GBP7: variants seen among roughly 807,000 people sequenced by gnomAD.
GBP7 encodes the protein guanylate binding protein 7, also known as guanylate-binding protein 7.
GBP7 carries 43 observed loss-of-function variants against 61.3 expected under a neutral mutation model. The ratio of observed to expected loss-of-function variants is 0.70; its 90% CI spans 0.55 to 0.91. GBP7 has a LOEUF of 0.91. Among genes scored for constraint, GBP7 ranks in the 40% least tolerant of loss-of-function variants. The pLI, the probability that GBP7 is intolerant of heterozygous loss-of-function variation, is 0.00. For synonymous variants in GBP7, 267 were observed against 271.0 expected (o/e 0.99, Z 0.14); for missense variants, 717 against 740.5 (o/e 0.97, Z 0.37).
chr1:89,141,611 A>T lies in GBP7; in HGVS notation c.1403T>A (p.Val468Glu). ...CTGCAGGATGGATTCCTCTATAACC[A>T]CCTGTGACTGCAGGAAGCTCTGGAG... ...EVLQSFLQSQ[V>E]VIEESILQSD... Residue 468 changes from valine (V) to glutamate (E), a missense_variant, in exon 9 of 11, where the codon GTG (valine) becomes GAG (glutamate). Val to Glu is a moderately radical substitution (Grantham distance 121). Transcript: ENST00000294671. 6.2e-7 allele frequency: 1 copy of T among 1,613,720 alleles called. No individual in the cohort carries two copies. Among genetic ancestry groups the T allele is most frequent in the Non-Finnish European group, 8.5e-7 (1 of 1,179,796 alleles).
chr1:89,149,154 C>A (rs1255507802), intron 7 of GBP7, 138 bp downstream of exon 7: 4 of 624,354 alleles, frequency 6.4e-6, no homozygotes, highest in African/African-American at 1.9e-5. Context: ...AAACTGTAGC[C>A]CATTAAATTC....
intron 9 of GBP7, among the ~76,000 whole-genome samples, chr1:89,136,931 A>G (rs1681817485): frequency 6.6e-6 from 1 of 152,098 alleles, no homozygotes; most frequent in African/African-American, 2.4e-5. Context: ...ACAAAAAAAG[A>G]GAAGATCCAA....
intron 3 of GBP7, among the ~76,000 whole-genome samples, chr1:89,158,340 GT>G (rs1314207386): frequency 6.6e-6 from 1 of 152,222 alleles, no homozygotes; most frequent in Non-Finnish European, 1.5e-5. Context: ...ATTCAACATA[GT>G]GTTGGAAGTT....
At chr1:89,147,216 G>C (rs371250133) in intron 8 of GBP7, among the ~76,000 whole-genome samples, 3 of 152,114 alleles carry the variant, frequency 2.0e-5, no homozygotes, top group Non-Finnish European at 4.4e-5. Flanking sequence ...CATATCCAAT[G>C]AGTATTAATT....
rs1461258716 is a variant in GBP7 at position 89,164,815 on chromosome 1, G to A, written c.234C>T (p.Ile78=). Residue 78 remains isoleucine (I), a synonymous_variant, in exon 3 of 11, where the codon ATC becomes ATT. Transcript: ENST00000294671. ...GCTVKSETKG[I]WMWCVPHPSK... The stretch of plus-strand genomic sequence containing the variant: ...AGGGGTGGGGCACACACCACATCCA[G>A]ATGCCTTTGGTTTCAGACTTCACTG... 1 of 1,613,928 alleles carries A rather than the reference G, an allele frequency of 6.2e-7. No homozygotes were observed. Among genetic ancestry groups the A allele is most frequent in the Admixed American group, 1.7e-5 (1 of 60,016 alleles).
At chr1:89,162,335 G>C (rs139980868) in intron 3 of GBP7, among the ~76,000 whole-genome samples, 2,454 of 152,264 alleles carry the variant, frequency 0.016, 54 homozygotes, top group African/African-American at 0.055. Context: ...TAGTTTAATA[G>C]GAATAGCATT....
In GBP7 at chr1:89,145,300, T is replaced by G. The variant is rs1682039621; in HGVS notation, c.1365+2267A>C. Among the ~76,000 whole-genome samples the G allele has an allele frequency of 2.0e-5, 3 of 152,134 alleles. No individual in the cohort carries two copies. In the South Asian group the frequency reaches 6.2e-4, roughly 32 times the overall value. Reference sequence around the variant, plus strand: ...TCACATAAAGGTGCGTCATGCAGTATTTGTCTTTCTAAGAATGGCTGATTT... The same window carrying G: ...TCACATAAAGGTGCGTCATGCAGTAGTTGTCTTTCTAAGAATGGCTGATTT... On this transcript the variant is annotated intron_variant, in intron 8 of 10. Transcript: ENST00000294671.
Position 89,150,510 on chromosome 1 carries a change from G to A in GBP7, c.691C>T (p.Gln231Ter), listed in dbSNP as rs766799077. 9.9e-6 allele frequency: 16 copies of A among 1,613,926 alleles called. No homozygotes were observed. The highest frequency in any genetic ancestry group is 1.4e-5 in the Non-Finnish European group (16 of 1,179,806). Residue 231 changes from glutamine to a stop codon, truncating the protein, a stop_gained, in exon 6 of 11, where the codon CAG (glutamine) becomes TAG (stop). Coordinates refer to ENST00000294671, the MANE Select transcript of GBP7 (RefSeq NM_207398.3). LOFTEE classifies it high-confidence loss of function. ...GGCCGGTCAAAGACAAAGCACTTCT[G>A]TTTTGGAAAGAAATGCCTGATCCAC... ...REWIRHFFPK[Q>*]KCFVFDRPIN...
At chr1:89,164,969 G>T (rs1392878054) in intron 2 of GBP7, 111 bp from the exon 3 acceptor site, 3 of 1,058,330 alleles carry the variant, frequency 2.8e-6, no homozygotes, top group African/African-American at 1.6e-5. Flanking sequence ...GAAACGGGTT[G>T]CTTCCATTTC....
intron 8 of GBP7, among the ~76,000 whole-genome samples, chr1:89,147,091 T>A (rs894567420): frequency 5.2e-4 from 79 of 152,194 alleles, no homozygotes; most frequent in Non-Finnish European, 1.0e-3. Context: ...CAAAATCACC[T>A]AAAATAATAT....
At chr1:89,141,734 A>G (rs956261210) in intron 8 of GBP7, 86 bp from the exon 9 acceptor site, 11 of 1,009,188 alleles carry the variant, frequency 1.1e-5, no homozygotes, top group Middle Eastern at 4.2e-4. Context: ...CAAAGCCACA[A>G]ATCTAACCTT....
At chr1:89,133,180 A>T in intron 10 of GBP7, 78 bp downstream of exon 10, 1 of 1,006,708 alleles carries the variant, frequency 9.9e-7, no homozygotes, top group Non-Finnish European at 1.5e-6. Context: ...ATCTTGACTG[A>T]GCTTAAAATT....
chr1:89,171,245 TAGAA>T (rs2100662794), intron 2 of GBP7, among the ~76,000 whole-genome samples: 1 of 152,290 alleles, frequency 6.6e-6, no homozygotes, highest in East Asian at 1.9e-4. Flanking sequence ...TTGGCTTAGT[TAGAA>T]AGACATACAA....
At chr1:89,144,394 G>C (rs1381490817) in intron 8 of GBP7, among the ~76,000 whole-genome samples, 1 of 152,120 alleles carries the variant, frequency 6.6e-6, no homozygotes, top group African/African-American at 2.4e-5. Context: ...TGTATACCTA[G>C]TAATGGGATT....
Position 89,149,316 on chromosome 1 carries a change from G to C in GBP7, c.1128C>G (p.Ser376Arg), listed in dbSNP as rs577448421. Reference protein sequence around the residue: ...VFMEYSFKDKSQEFQKKLVDT... With the variant: ...VFMEYSFKDKRQEFQKKLVDT... Reference sequence around the variant, plus strand: ...CCACAAGCTTCTTCTGAAATTCCTGGCTTTTATCTTTGAAGGAGTACTCCA... The same window carrying C: ...CCACAAGCTTCTTCTGAAATTCCTGCCTTTTATCTTTGAAGGAGTACTCCA... Residue 376 changes from serine to arginine, a missense_variant, in exon 7 of 11, where the codon AGC (serine) becomes AGG (arginine). Coordinates refer to ENST00000294671, the MANE Select transcript of GBP7 (RefSeq NM_207398.3). 5 of 1,605,832 alleles carry C rather than the reference G, an allele frequency of 3.1e-6. No homozygotes were observed. The African/African-American group carries it at 4.0e-5, about 13-fold the overall frequency.
rs564360281 is a variant in GBP7, at chr1:89,171,836, T to C, written c.100A>G (p.Ile34Val). Residue 34 changes from isoleucine (I) to valine (V), a missense_variant, in exon 2 of 11, where the codon ATT (isoleucine) becomes GTT (valine). Around this residue, in one of 3 missense-constraint regions of GBP7, gnomAD observed 387 missense variants for 385.2 expected, o/e 1.00. Transcript: ENST00000294671. Reference sequence around the variant, plus strand: ...GCCACCACTACTACAGGCTGTGTAATGGCAGACAGGATTTCCAGAGCTTCT... The same window carrying C: ...GCCACCACTACTACAGGCTGTGTAACGGCAGACAGGATTTCCAGAGCTTCT... ...NSEALEILSAITQPVVVVAIV... is the reference protein window; with the variant it reads ...NSEALEILSAVTQPVVVVAIV... 1.7e-5 allele frequency: 27 copies of C among 1,613,894 alleles called. No homozygotes were observed. The South Asian group carries it at 2.7e-4, about 16-fold the overall frequency.
intron 1 of GBP7, among the ~76,000 whole-genome samples, chr1:89,173,927 T>G: frequency 6.6e-6 from 1 of 152,216 alleles, no homozygotes; most frequent in East Asian, 1.9e-4. Context: ...CCTCCATAGA[T>G]ACCCAATCTT....
chr1:89,159,887 C>T (rs576954328), intron 3 of GBP7, among the ~76,000 whole-genome samples: 6 of 152,010 alleles, frequency 3.9e-5, no homozygotes, highest in East Asian at 3.9e-4. Flanking sequence ...TTATAAATCA[C>T]GCTACTATAA....
At chr1:89,159,338 A>C (rs1419334043) in intron 3 of GBP7, among the ~76,000 whole-genome samples, 1 of 152,244 alleles carries the variant, frequency 6.6e-6, no homozygotes, top group African/African-American at 2.4e-5. Flanking sequence ...AAGCAATGGC[A>C]ACAAAAGCCA....
Sources: allele counts gnomAD v4.1 joint callset (sites outside exome capture counted in the v4.1 genomes callset), GRCh38; gene constraint gnomAD v4.1.1; regional missense constraint gnomAD v4.1.1; transcripts MANE v1.5; gene names NCBI Gene and HGNC (gene_info 2026-07-23, HGNC 2026-07-21).